The following GRIK2 variants were observed in gnomAD, a reference collection of about 807,000 sequenced individuals.
The protein encoded by GRIK2 is glutamate receptor ionotropic, kainate 2.
A neutral mutation model predicts 100.3 loss-of-function variants in GRIK2; 32 were observed. The ratio of observed to expected loss-of-function variants is 0.32; its 90% CI spans 0.24 to 0.43. The LOEUF is 0.43. Ranked by LOEUF, GRIK2 falls within the 20% of genes least tolerant of loss-of-function variation. GRIK2 has a pLI of 1.00. For missense variants in GRIK2, 843 were observed against 1,114.9 expected, an observed-to-expected ratio of 0.76 and a Z score of 3.47; for synonymous variants, 417 against 389.4, an observed-to-expected ratio of 1.07 and a Z score of -0.83.
intron 14 of GRIK2, among the ~76,000 whole-genome samples, chr6:101,961,010 T>A (rs1405809505): frequency 2.0e-5 from 3 of 152,070 alleles, no homozygotes; most frequent in South Asian, 2.1e-4. Context: ...GATACCCCAA[T>A]GATAAGTTAA....
intron 14 of GRIK2, among the ~76,000 whole-genome samples, chr6:101,990,966 T>C (rs1007445779): frequency 1.3e-5 from 2 of 151,910 alleles, no homozygotes; most frequent in Non-Finnish European, 2.9e-5. Flanking sequence ...ATTACATCAA[T>C]AAATATTTAT....
intron 14 of GRIK2, among the ~76,000 whole-genome samples, chr6:102,018,592 T>A (rs1480183569): frequency 6.6e-6 from 1 of 152,116 alleles, no homozygotes; most frequent in Non-Finnish European, 1.5e-5. Flanking sequence ...CAGTGTTACT[T>A]GTCCCCATTG....
intron 7 of GRIK2, among the ~76,000 whole-genome samples, chr6:101,706,336 G>A (rs898329803): frequency 3.3e-5 from 5 of 151,686 alleles, no homozygotes; most frequent in Admixed American, 1.3e-4. Context: ...TATAACACCC[G>A]ATATATGTCT....
rs2128344007 is a variant in GRIK2, at chr6:101,686,261, A to G, written c.859A>G (p.Thr287Ala). 1 of 1,612,892 alleles carries G rather than the reference A, an allele frequency of 6.2e-7. No homozygotes were observed. The highest frequency in any genetic ancestry group is 1.3e-5 in the African/African-American group (1 of 75,014). The change falls in exon 7 of 17, where the codon ACC becomes GCC. Residue 287 changes from threonine (T) to alanine (A), a missense_variant. By Grantham distance (58) the Thr-to-Ala change is moderately conservative. This residue lies in a region of GRIK2 where 519 missense variants were observed against 643.8 expected (regional missense o/e 0.81). Coordinates refer to ENST00000369134, the MANE Select transcript of GRIK2 (RefSeq NM_021956.5). ...TGFRILNTENTQVSSIIEKWS... is the reference protein window; with the variant it reads ...TGFRILNTENAQVSSIIEKWS... ...GTTCAGAATATTAAATACAGAAAATACCCAAGTCTCCTCCATCATTGAAAA... is the reference window on the plus strand; with the variant it reads ...GTTCAGAATATTAAATACAGAAAATGCCCAAGTCTCCTCCATCATTGAAAA...
intron 14 of GRIK2, among the ~76,000 whole-genome samples, chr6:101,939,205 C>G (rs1790800661): frequency 1.3e-5 from 2 of 151,834 alleles, no homozygotes. Context: ...AGGCATAGAC[C>G]AAGTTGTGGC....
chr6:101,859,054 A>C (rs1304721867), intron 10 of GRIK2, among the ~76,000 whole-genome samples: 1 of 152,044 alleles, frequency 6.6e-6, no homozygotes, highest in Non-Finnish European at 1.5e-5. Flanking sequence ...TTTGTTATAT[A>C]GTCATGGTGG....
rs1322416207 is a variant in GRIK2, at chr6:102,006,388, ATATTTTTT to A, written c.2086-28951_2086-28944del. Reference sequence around the variant, plus strand: ...ACCTTTTATATATATATATATATATATATTTTTTTTTTTTTTGAGACATACAGTGGAGT... The same window carrying A: ...ACCTTTTATATATATATATATATATATTTTTTTTGAGACATACAGTGGAGT... On this transcript the variant is annotated intron_variant, in intron 14 of 16. Transcript: ENST00000369134. Among the ~76,000 whole-genome samples the A allele has an allele frequency of 2.2e-3, 241 of 111,900 alleles. 1 individual carries two copies. Among genetic ancestry groups the A allele is most frequent in the African/African-American group, 0.013 (237 of 18,788 alleles). The allele number at this position is 111,900 out of a possible 152,430, so 73.4% of individuals were successfully genotyped here.
chr6:101,717,675 G>A (rs1004068288), intron 7 of GRIK2, among the ~76,000 whole-genome samples: 32 of 151,954 alleles, frequency 2.1e-4, no homozygotes, highest in African/African-American at 7.5e-4. Context: ...ATTATTGCCA[G>A]TGAATAGTAA....
chr6:102,055,860 A>T (rs1771438647), intron 16 of GRIK2, among the ~76,000 whole-genome samples: 1 of 152,066 alleles, frequency 6.6e-6, no homozygotes, highest in African/African-American at 2.4e-5. Context: ...GACTTAAAAA[A>T]TAAACTTTTG....
At chr6:101,560,813 A>G (rs769225091) in intron 2 of GRIK2, among the ~76,000 whole-genome samples, 5 of 152,168 alleles carry the variant, frequency 3.3e-5, no homozygotes, top group African/African-American at 4.8e-5. Context: ...TTTAAATCAC[A>G]TTATTGCTAA....
chr6:101,525,997 A>G (rs1775133762), intron 2 of GRIK2, among the ~76,000 whole-genome samples: 1 of 152,202 alleles, frequency 6.6e-6, no homozygotes, highest in African/African-American at 2.4e-5. Flanking sequence ...AGCAACATAT[A>G]TCAGGATCAT....
At chr6:101,956,884 C>G (rs534005744) in intron 14 of GRIK2, among the ~76,000 whole-genome samples, 1 of 149,094 alleles carries the variant, frequency 6.7e-6, no homozygotes, top group Non-Finnish European at 1.5e-5. Flanking sequence ...TTTTCTTTAT[C>G]GAATCATCAG....
At chr6:102,065,214 T>C (rs1391605885) in intron 16 of GRIK2, among the ~76,000 whole-genome samples, 4 of 151,294 alleles carry the variant, frequency 2.6e-5, no homozygotes, top group Non-Finnish European at 5.9e-5. Flanking sequence ...GTTTACAATT[T>C]TGAGATAGTT....
At chr6:101,814,868 T>C (rs1781540622) in intron 9 of GRIK2, among the ~76,000 whole-genome samples, 1 of 152,160 alleles carries the variant, frequency 6.6e-6, no homozygotes, top group South Asian at 2.1e-4. Flanking sequence ...CTCACAATAG[T>C]GTATAAACAG....
rs554725928 is a variant in GRIK2 at position 101,572,049 on chromosome 6, T to C, written c.116-49900T>C. Among the ~76,000 whole-genome samples the C allele has an allele frequency of 7.9e-5, 12 of 152,254 alleles. No homozygotes were observed. In the South Asian group the frequency reaches 2.5e-3, roughly 32 times the overall value. ...TACTGTTACAGGCCAATCTTTATTT[T>C]TGTGATTCTCAACACTGTTGATCTT... On this transcript the variant is annotated intron_variant, in intron 2 of 16. Transcript: ENST00000369134.
intron 2 of GRIK2, among the ~76,000 whole-genome samples, chr6:101,590,102 A>G (rs551917376): frequency 7.2e-5 from 11 of 152,206 alleles, no homozygotes; most frequent in African/African-American, 2.6e-4. Flanking sequence ...AACATAGTAT[A>G]TTTGAAGGAA....
intron 12 of GRIK2, among the ~76,000 whole-genome samples, chr6:101,902,998 C>G (rs1022113159): frequency 2.6e-5 from 4 of 151,802 alleles, no homozygotes; most frequent in African/African-American, 9.7e-5. Context: ...CTCTATCTAC[C>G]TGCTACATCA....
At chr6:102,044,958 CTA>C (rs1286345678) in intron 15 of GRIK2, among the ~76,000 whole-genome samples, 1 of 152,056 alleles carries the variant, frequency 6.6e-6, no homozygotes, top group East Asian at 1.9e-4. Flanking sequence ...TCAGATATTC[CTA>C]TATAGTATTT....
At chr6:101,983,284 AAGTT>A (rs1233859209) in intron 14 of GRIK2, among the ~76,000 whole-genome samples, 1 of 151,848 alleles carries the variant, frequency 6.6e-6, no homozygotes. Flanking sequence ...GAGCAAAATG[AAGTT>A]AGTTAGAGAA....
Sources: gnomAD v4.1 joint callset for allele counts (sites outside exome capture counted in the v4.1 genomes callset) on GRCh38, gnomAD v4.1.1 for gene constraint, gnomAD v4.1.1 regional missense constraint, MANE v1.5 for transcripts, NCBI Gene and HGNC (gene_info 2026-07-23, HGNC 2026-07-21) for gene names.